DMD: variants seen among roughly 807,000 people sequenced by gnomAD.
DMD encodes dystrophin, also known as mutant dystrophin.
In DMD, 63 loss-of-function variants were observed where a neutral mutation model predicts 330.1. The observed-to-expected ratio is 0.19, with a 90% CI of 0.16 to 0.24. The LOEUF (loss-of-function observed/expected upper bound fraction) is 0.24. Ranked by LOEUF, DMD falls within the 10% of genes least tolerant of loss-of-function variation. DMD has a pLI of 1.00. For missense variants in DMD, 3,344 were observed against 2,684.1 expected, an observed-to-expected ratio of 1.25 and a Z score of -5.43; for synonymous variants, 1,223 against 959.8, an observed-to-expected ratio of 1.27 and a Z score of -5.07.
At chrX:32,493,128 G>T (rs1351725281) in intron 19 of DMD, among the ~76,000 whole-genome samples, 20 of 111,081 alleles carry the variant, frequency 1.8e-4, no homozygotes, top group Non-Finnish European at 7.6e-5. Context: ...CCTTTTTAAA[G>T]ACTAAAAAAA....
At chrX:32,322,931 T>G (rs892589196) in intron 41 of DMD, among the ~76,000 whole-genome samples, 17 of 112,207 alleles carry the variant, frequency 1.5e-4, no homozygotes, top group Non-Finnish European at 3.0e-4. Context: ...GTTTACAAAG[T>G]TTACATCCTT....
intron 6 of DMD, among the ~76,000 whole-genome samples, chrX:32,810,503 A>G (rs764637859): frequency 1.8e-5 from 2 of 112,104 alleles, no homozygotes; most frequent in African/African-American, 6.5e-5. Flanking sequence ...TCAATAATGA[A>G]CAATGTGTTT....
At chrX:33,182,238 T>A (rs1267584849) in intron 1 of DMD, among the ~76,000 whole-genome samples, 10 of 111,975 alleles carry the variant, frequency 8.9e-5, no homozygotes, top group African/African-American at 3.2e-4. Flanking sequence ...CCTTTTTTTA[T>A]ATTAAAATAT....
At chrX:32,117,571 C>A (rs1005663705) in intron 44 of DMD, among the ~76,000 whole-genome samples, 2 of 111,763 alleles carry the variant, frequency 1.8e-5, no homozygotes, top group African/African-American at 3.3e-5. Flanking sequence ...ATGTTTTTAA[C>A]CCCTTCCAAC....
intron 60 of DMD, among the ~76,000 whole-genome samples, chrX:31,369,304 G>A (rs967315022): frequency 8.9e-6 from 1 of 111,870 alleles, no homozygotes; most frequent in African/African-American, 3.3e-5. Context: ...CATTTTAGGA[G>A]GATTACTATA....
intron 43 of DMD, among the ~76,000 whole-genome samples, chrX:32,252,783 A>AT (rs2097276144): frequency 1.6e-4 from 7 of 43,197 alleles, no homozygotes; most frequent in Non-Finnish European, 2.5e-4. Context: ...AATATATATA[A>AT]ATATATATAA....
At chrX:32,997,281 G>A (rs898487504) in intron 2 of DMD, among the ~76,000 whole-genome samples, 3 of 106,552 alleles carry the variant, frequency 2.8e-5, no homozygotes, top group Admixed American at 1.0e-4. Flanking sequence ...GTCTCGCCCT[G>A]TGCACCCAGG....
At chrX:32,413,440 T>A (rs1269280958) in intron 29 of DMD, among the ~76,000 whole-genome samples, 1 of 111,488 alleles carries the variant, frequency 9.0e-6, no homozygotes, top group Admixed American at 9.6e-5. Flanking sequence ...TTCATCATGT[T>A]GCATCTAATC....
intron 46 of DMD, among the ~76,000 whole-genome samples, chrX:31,931,545 T>C (rs964311310): frequency 1.8e-5 from 2 of 110,793 alleles, no homozygotes; most frequent in Non-Finnish European, 3.8e-5. Context: ...ATAATGCCTT[T>C]AAGTAGAGGC....
At chrX:31,191,033 C>T (rs746507832) in intron 67 of DMD, among the ~76,000 whole-genome samples, 3 of 112,034 alleles carry the variant, frequency 2.7e-5, no homozygotes, top group South Asian at 3.8e-4. Context: ...CAAGGAAACA[C>T]GCTAAAATTG....
At chrX:31,947,230 A>G (rs1382378937) in intron 45 of DMD, among the ~76,000 whole-genome samples, 1 of 111,381 alleles carries the variant, frequency 9.0e-6, no homozygotes, top group Non-Finnish European at 1.9e-5. Flanking sequence ...GGCTCAAGAA[A>G]TTCTCCCAAC....
rs140696345 is a variant in DMD at position 32,648,859 on chromosome X, T to C, written c.961-3707A>G. ...GTACCTAAGATTGGAGATCACTTCATACATGTCATGGCATCAAATGAAGAG... is the reference window on the plus strand; with the variant it reads ...GTACCTAAGATTGGAGATCACTTCACACATGTCATGGCATCAAATGAAGAG... On this transcript the variant is annotated intron_variant, in intron 9 of 78. Coordinates refer to ENST00000357033, the MANE Select transcript of DMD (RefSeq NM_004006.3). Among the ~76,000 whole-genome samples, 794 of 112,051 alleles carry C rather than the reference T, an allele frequency of 7.1e-3. 3 individuals are homozygous for C. The highest frequency in any genetic ancestry group is 0.012 in the Non-Finnish European group (650 of 53,192).
chrX:31,352,774 A>G (rs2058495824), intron 60 of DMD, among the ~76,000 whole-genome samples: 1 of 112,476 alleles, frequency 8.9e-6, no homozygotes, highest in Non-Finnish European at 1.9e-5. Flanking sequence ...CTGGCTAAAT[A>G]AAGAAACAAA....
chrX:32,686,342 G>A (rs1467979497), intron 9 of DMD, among the ~76,000 whole-genome samples: 3 of 110,374 alleles, frequency 2.7e-5, no homozygotes, highest in Non-Finnish European at 5.7e-5. Flanking sequence ...TGGATCACCT[G>A]AGGTCAAGAG....
intron 1 of DMD, among the ~76,000 whole-genome samples, chrX:33,205,075 C>G (rs1427509919): frequency 8.9e-6 from 1 of 112,215 alleles, no homozygotes; most frequent in Non-Finnish European, 1.9e-5. Flanking sequence ...TCAGGATTCC[C>G]CAGCTGTCTG....
At chrX:31,646,586 C>G (rs1033186797) in intron 54 of DMD, among the ~76,000 whole-genome samples, 1 of 111,319 alleles carries the variant, frequency 9.0e-6, no homozygotes, top group Non-Finnish European at 1.9e-5. Context: ...GTTGCTCTGC[C>G]AAGACCTCAT....
intron 13 of DMD, among the ~76,000 whole-genome samples, chrX:32,577,573 G>A (rs1262478405): frequency 8.9e-6 from 1 of 112,012 alleles, no homozygotes; most frequent in African/African-American, 3.2e-5. Flanking sequence ...GCTTGATCAT[G>A]GTTCTTACAT....
At chrX:33,165,934 A>T (rs181370092) in intron 1 of DMD, among the ~76,000 whole-genome samples, 1 of 111,641 alleles carries the variant, frequency 9.0e-6, no homozygotes, top group East Asian at 2.8e-4. Flanking sequence ...GCAGTAACTG[A>T]GGGTAAAGGA....
At chrX:32,863,028 G>A (rs1328989960) in intron 2 of DMD, among the ~76,000 whole-genome samples, 1 of 110,759 alleles carries the variant, frequency 9.0e-6, no homozygotes, top group Non-Finnish European at 1.9e-5. Context: ...ATGAGCCACT[G>A]CACCAGGCCT....
Sources: allele counts gnomAD v4.1 joint callset (sites outside exome capture counted in the v4.1 genomes callset), GRCh38; gene constraint gnomAD v4.1.1; transcripts MANE v1.5; gene names NCBI Gene and HGNC (gene_info 2026-07-23, HGNC 2026-07-21).